The following ARSG variants were observed in gnomAD, a reference collection of about 807,000 sequenced individuals.
The protein encoded by ARSG is arylsulfatase G, also known as ASG.
ARSG carries 37 observed loss-of-function variants against 50.5 expected under a neutral mutation model. The observed-to-expected ratio is 0.73, with a 90% CI of 0.56 to 0.96. The LOEUF (loss-of-function observed/expected upper bound fraction) is 0.96. Among genes scored for constraint, ARSG ranks in the 50% least tolerant of loss-of-function variants. The pLI is 0.00. For synonymous variants in ARSG, 225 were observed against 254.6 expected (o/e 0.88, Z 1.11); for missense variants, 629 against 675.3 (o/e 0.93, Z 0.76).
rs1311473932 is a variant in ARSG at position 68,271,959 on chromosome 17, C to T, written c.-552+12533C>T. 6.6e-5 allele frequency among the ~76,000 whole-genome samples: 10 copies of T among 152,266 alleles called. 1 individual carries two copies. Among genetic ancestry groups the T allele is most frequent in the Middle Eastern group, 3.4e-3 (1 of 294 alleles). On this transcript the variant is annotated intron_variant, in intron 1 of 11. Transcript: ENST00000448504. This position sits in a 1 kb window ranked among gnomAD's most constrained non-coding sequence, Gnocchi z 5.3. Reference sequence around the variant, plus strand: ...CTGGGACTATAGGCGTGCGCCACCACGACCAGCCAATTTTTGTATTTTTAG... The same window carrying T: ...CTGGGACTATAGGCGTGCGCCACCATGACCAGCCAATTTTTGTATTTTTAG...
At chr17:68,291,894 G>A (rs2076010626) in intron 1 of ARSG, among the ~76,000 whole-genome samples, 1 of 151,788 alleles carries the variant, frequency 6.6e-6, no homozygotes, top group South Asian at 2.1e-4. Context: ...GCGCGCCGGG[G>A]CTGATCCCGC....
downstream of ARSG, chr17:68,426,247 A>AGGGGGGGGGGGGGGG: frequency 3.0e-6 from 2 of 655,812 alleles, no homozygotes; most frequent in African/African-American, 2.1e-5. Context: ...GCGGGTGGGG[A>AGGGGGGGGGGGGGGG]GCGGGGGCTC....
At chr17:68,433,024 AAGCGCTC>A in the ARSG span, among the ~76,000 whole-genome samples, 1 of 152,184 alleles carries the variant, frequency 6.6e-6, no homozygotes, top group Non-Finnish European at 1.5e-5. Context: ...GGTGCTTCCC[AAGCGCTC>A]AGTGGTGCTG....
intron 7 of ARSG, among the ~76,000 whole-genome samples, chr17:68,368,963 G>A (rs117268787): frequency 0.031 from 4,724 of 152,328 alleles, 227 homozygotes; most frequent in Admixed American, 0.11. Context: ...ACACAGAGCA[G>A]CCACCTTGCT....
intron 2 of ARSG, among the ~76,000 whole-genome samples, chr17:68,319,883 A>C (rs2077211447): frequency 6.6e-6 from 1 of 152,192 alleles, no homozygotes. Flanking sequence ...AGCTTAGGGG[A>C]TAGAACTAGC....
intron 6 of ARSG, among the ~76,000 whole-genome samples, chr17:68,357,597 ACC>A (rs1011940487): frequency 1.3e-5 from 2 of 152,180 alleles, no homozygotes; most frequent in Admixed American, 1.3e-4. Flanking sequence ...CAGGAATTAG[ACC>A]CTGCTTATCT....
chr17:68,337,210 C>T (rs1028403949), intron 2 of ARSG, among the ~76,000 whole-genome samples: 13 of 152,156 alleles, frequency 8.5e-5, no homozygotes, highest in East Asian at 1.9e-4. Flanking sequence ...TGGATTATTG[C>T]GTTTAAGGTG....
At chr17:68,391,569 C>T (rs1004354630) in intron 9 of ARSG, among the ~76,000 whole-genome samples, 2 of 152,182 alleles carry the variant, frequency 1.3e-5, no homozygotes, top group Non-Finnish European at 2.9e-5. Flanking sequence ...TTTCCAAAAT[C>T]GAACGCAGAT....
At chr17:68,281,441 C>T (rs2075693308) in intron 1 of ARSG, among the ~76,000 whole-genome samples, 1 of 151,666 alleles carries the variant, frequency 6.6e-6, no homozygotes. Context: ...GTGGCATGCA[C>T]CTCTACACCT....
chr17:68,324,662 C>T (rs1220392294), intron 2 of ARSG, among the ~76,000 whole-genome samples: 1 of 152,194 alleles, frequency 6.6e-6, no homozygotes, highest in Non-Finnish European at 1.5e-5. Context: ...TCTTGGAAAG[C>T]TATTTAAACT....
chr17:68,298,970 A>T (rs1302252780), intron 1 of ARSG, among the ~76,000 whole-genome samples: 1 of 152,150 alleles, frequency 6.6e-6, no homozygotes, highest in African/African-American at 2.4e-5. Flanking sequence ...AACATATTTC[A>T]TTGAGAAAGT....
chr17:68,429,743 C>T, the ARSG span, among the ~76,000 whole-genome samples: 12 of 152,286 alleles, frequency 7.9e-5, no homozygotes, highest in South Asian at 2.1e-4. Context: ...CACGCACCAC[C>T]ATACCCGGCT....
intron 8 of ARSG, 45 bp from the exon 9 acceptor site, chr17:68,385,019 G>C: frequency 6.6e-7 from 1 of 1,520,812 alleles, no homozygotes; most frequent in Non-Finnish European, 9.1e-7. Flanking sequence ...AAGAAGTCTC[G>C]AGTTATCACC....
At chr17:68,392,111 T>A (rs147665513) in intron 9 of ARSG, among the ~76,000 whole-genome samples, 205 of 152,350 alleles carry the variant, frequency 1.3e-3, no homozygotes, top group Non-Finnish European at 1.3e-3. Flanking sequence ...TGCGAAAGCC[T>A]GAACTCTGCT....
At chr17:68,402,753 C>T (rs2081533034) in intron 11 of ARSG, among the ~76,000 whole-genome samples, 1 of 152,168 alleles carries the variant, frequency 6.6e-6, no homozygotes, top group African/African-American at 2.4e-5. Flanking sequence ...TCTTGATCTC[C>T]TGACCTCGTG....
Position 68,271,683 on chromosome 17 carries a change from A to C in ARSG, c.-552+12257A>C, listed in dbSNP as rs1177346031. 1 of 1,578,996 alleles carries C rather than the reference A, an allele frequency of 6.3e-7. No individual in the cohort carries two copies. The highest frequency in any genetic ancestry group is 1.4e-5 in the African/African-American group (1 of 73,996). ...GAATAGGCAGGAGTGAAGAAGAAATAATATAAGGTCAATAATGGACTCAAG... is the reference window on the plus strand; with the variant it reads ...GAATAGGCAGGAGTGAAGAAGAAATCATATAAGGTCAATAATGGACTCAAG... On this transcript the variant is annotated intron_variant, in intron 1 of 11. Transcript: ENST00000448504. This position sits in a 1 kb window ranked among gnomAD's most constrained non-coding sequence, Gnocchi z 5.3.
chr17:68,437,005 A>ATATATATATAT, the ARSG span, among the ~76,000 whole-genome samples: 220 of 107,208 alleles, frequency 2.1e-3, no homozygotes, highest in South Asian at 7.8e-3. Context: ...AAAAAAAAAA[A>ATATATATATAT]ATATATATAT....
intron 2 of ARSG, among the ~76,000 whole-genome samples, chr17:68,322,548 C>T (rs2077331150): frequency 6.6e-6 from 1 of 151,858 alleles, no homozygotes; most frequent in African/African-American, 2.4e-5. Flanking sequence ...ACCTGGGAGG[C>T]GGAGGTTGCA....
Position 68,360,863 on chromosome 17 carries a change from C to A in ARSG, c.704+4059C>A, listed in dbSNP as rs185682136. Among the ~76,000 whole-genome samples the A allele has an allele frequency of 1.2e-3, 188 of 152,270 alleles. 1 individual carries two copies. The highest frequency in any genetic ancestry group is 4.4e-3 in the African/African-American group (182 of 41,556). On this transcript the variant is annotated intron_variant, in intron 6 of 11. Transcript: ENST00000621439. Reference sequence around the variant, plus strand: ...TTTTGAGACTGAGTCTCGCTCTTGTCACCCAGACTGGAGTGCAGTGTTGCA... The same window carrying A: ...TTTTGAGACTGAGTCTCGCTCTTGTAACCCAGACTGGAGTGCAGTGTTGCA...
Sources: allele counts gnomAD v4.1 joint callset (sites outside exome capture counted in the v4.1 genomes callset), GRCh38; gene constraint gnomAD v4.1.1; non-coding constraint Gnocchi (gnomAD v3.1); transcripts MANE v1.5; gene names NCBI Gene and HGNC (gene_info 2026-07-23, HGNC 2026-07-21).